ARHGAP10: variants seen among roughly 807,000 people sequenced by gnomAD.
ARHGAP10 encodes the protein rho GTPase-activating protein 10.
A neutral mutation model predicts 108.6 loss-of-function variants in ARHGAP10; 87 were observed. The ratio of observed to expected loss-of-function variants is 0.80; its 90% CI spans 0.67 to 0.96. The LOEUF (loss-of-function observed/expected upper bound fraction) is 0.96. Ranked by LOEUF, ARHGAP10 falls within the 40% of genes least tolerant of loss-of-function variation. ARHGAP10 has a pLI of 0.00. For synonymous variants in ARHGAP10, 347 were observed against 341.1 expected (o/e 1.02, Z -0.19); for missense variants, 939 against 954.5 (o/e 0.98, Z 0.21).
intron 5 of ARHGAP10, among the ~76,000 whole-genome samples, chr4:147,859,168 A>G (rs1247627837): frequency 6.6e-6 from 1 of 150,428 alleles, no homozygotes; most frequent in Non-Finnish European, 1.5e-5. Flanking sequence ...ACCTTCAATT[A>G]CTCTTCCAAA....
At chr4:147,830,712 G>GTT (rs1732924949) in intron 3 of ARHGAP10, among the ~76,000 whole-genome samples, 1 of 151,984 alleles carries the variant, frequency 6.6e-6, no homozygotes, top group Non-Finnish European at 1.5e-5. Flanking sequence ...TAGAGACGGG[G>GTT]TTTCACCTTG....
At chr4:147,831,225 G>A (rs1430570027) in intron 3 of ARHGAP10, among the ~76,000 whole-genome samples, 1 of 152,230 alleles carries the variant, frequency 6.6e-6, no homozygotes, top group Non-Finnish European at 1.5e-5. Context: ...ATTGTTTCGT[G>A]ATGACTGTGT....
At chr4:147,913,052 T>G in intron 12 of ARHGAP10, 22 bp from the exon 13 acceptor site, 1 of 1,594,596 alleles carries the variant, frequency 6.3e-7, no homozygotes, top group South Asian at 1.1e-5. Context: ...GTACACTTAA[T>G]GTTTTAAACT....
At chr4:147,891,117 T>G (rs1280454831) in intron 10 of ARHGAP10, among the ~76,000 whole-genome samples, 1 of 152,256 alleles carries the variant, frequency 6.6e-6, no homozygotes, top group Non-Finnish European at 1.5e-5. Context: ...CCAGAAATTC[T>G]GCTCCTAGCT....
chr4:148,053,391 G>A (rs1729226081), intron 20 of ARHGAP10, among the ~76,000 whole-genome samples: 1 of 152,196 alleles, frequency 6.6e-6, no homozygotes, highest in Non-Finnish European at 1.5e-5. Context: ...ATTAAGTCAT[G>A]TGGCTGTGGT....
intron 8 of ARHGAP10, among the ~76,000 whole-genome samples, chr4:147,878,483 G>T (rs1424290539): frequency 6.6e-6 from 1 of 152,144 alleles, no homozygotes; most frequent in African/African-American, 2.4e-5. Flanking sequence ...GCACTAGGTG[G>T]ATTTTTAGAC....
At chr4:147,971,074 C>G (rs1247056784) in intron 18 of ARHGAP10, among the ~76,000 whole-genome samples, 1 of 116,512 alleles carries the variant, frequency 8.6e-6, no homozygotes, top group Admixed American at 1.2e-4. Context: ...GCCTGGGTGA[C>G]AAGAGCGAGA....
At chr4:147,766,350 A>G (rs1473591477) in intron 1 of ARHGAP10, among the ~76,000 whole-genome samples, 2 of 151,982 alleles carry the variant, frequency 1.3e-5, no homozygotes, top group Non-Finnish European at 2.9e-5. Context: ...TATGCTTTAA[A>G]TCATCTCTAC....
chr4:147,763,298 A>T lies in ARHGAP10; in HGVS notation c.154+30843A>T, dbSNP rs540996583. 1.2e-4 allele frequency among the ~76,000 whole-genome samples: 18 copies of T among 151,478 alleles called. No homozygotes were observed. In the East Asian group the frequency reaches 3.5e-3, roughly 29 times the overall value. ...AATTAATGATAATGGTGGTGTTTGT[A>T]GTAGGAGTAGATAATAGTTTTTTTT... On this transcript the variant is annotated intron_variant, in intron 1 of 22. Coordinates refer to ENST00000336498, the MANE Select transcript of ARHGAP10 (RefSeq NM_024605.4).
chr4:148,000,488 G>T (rs1440339597), intron 18 of ARHGAP10, among the ~76,000 whole-genome samples: 2 of 152,186 alleles, frequency 1.3e-5, no homozygotes, highest in African/African-American at 2.4e-5. Context: ...CTAGATCCTT[G>T]AGGAATCGCC....
intron 1 of ARHGAP10, among the ~76,000 whole-genome samples, chr4:147,770,415 C>T (rs1268580387): frequency 6.6e-6 from 1 of 152,134 alleles, no homozygotes; most frequent in Non-Finnish European, 1.5e-5. Context: ...ATCCCAGCTA[C>T]TTGGGAGGCT....
intron 19 of ARHGAP10, among the ~76,000 whole-genome samples, chr4:148,037,921 A>G (rs1728454147): frequency 6.6e-6 from 1 of 152,118 alleles, no homozygotes. Flanking sequence ...TCCATCTCAT[A>G]TGCTGGCTGA....
chr4:147,910,209 G>A lies in ARHGAP10; in HGVS notation c.1162+432G>A, dbSNP rs1476176207. Among the ~76,000 whole-genome samples the A allele has an allele frequency of 2.0e-5, 3 of 152,000 alleles. No individual in the cohort carries two copies. The South Asian group carries it at 6.2e-4, about 32-fold the overall frequency. The stretch of plus-strand genomic sequence containing the variant: ...TTTTTAATTTTTTTGTTGTTGTTGA[G>A]ATGGGATCTTGCTATGTTGTCCAGG... On this transcript the variant is annotated intron_variant, in intron 12 of 22. Transcript: ENST00000336498.
At chr4:148,020,191 TAGA>T (rs1741512748) in intron 18 of ARHGAP10, among the ~76,000 whole-genome samples, 1 of 152,214 alleles carries the variant, frequency 6.6e-6, no homozygotes, top group African/African-American at 2.4e-5. Flanking sequence ...GGTGTGTATT[TAGA>T]ATCTTTGACA....
chr4:148,041,760 T>G (rs1728640819), intron 19 of ARHGAP10, among the ~76,000 whole-genome samples: 1 of 152,228 alleles, frequency 6.6e-6, no homozygotes, highest in South Asian at 2.1e-4. Context: ...CATGTCCTCT[T>G]GACCAATTGT....
chr4:147,889,895 C>T (rs78360374), intron 10 of ARHGAP10, among the ~76,000 whole-genome samples: 3,842 of 152,202 alleles, frequency 0.025, 82 homozygotes, highest in Non-Finnish European at 0.036. Flanking sequence ...ATGGCTTAAA[C>T]GGGGTTAAAG....
At chr4:147,902,671 G>C (rs1736297751) in intron 10 of ARHGAP10, among the ~76,000 whole-genome samples, 1 of 152,100 alleles carries the variant, frequency 6.6e-6, no homozygotes, top group Non-Finnish European at 1.5e-5. Context: ...AACCTGGGAG[G>C]TGGAGGTTGC....
chr4:148,072,289 A>C lies in ARHGAP10; in HGVS notation c.*208A>C, dbSNP rs1277632433. On this transcript the variant is annotated 3_prime_UTR_variant, in exon 23 of 23. Coordinates refer to ENST00000336498, the MANE Select transcript of ARHGAP10 (RefSeq NM_024605.4). ...AACTGTGATTGTGGATCAGGAGGGGAATGTCAGGATTCGCAAAATGGACTT... is the reference window on the plus strand; with the variant it reads ...AACTGTGATTGTGGATCAGGAGGGGCATGTCAGGATTCGCAAAATGGACTT... 6.6e-6 allele frequency: 3 copies of C among 451,762 alleles called. No individual in the cohort carries two copies. Among genetic ancestry groups the C allele is most frequent in the East Asian group, 6.9e-5 (2 of 28,790 alleles). 28.0% of individuals were successfully genotyped at this position (451,762 alleles called of 1,614,324 possible). A position where few individuals can be genotyped will look rare whatever the true frequency, so the allele number is the denominator to read the frequency against.
chr4:147,870,195 C>T lies in ARHGAP10; in HGVS notation c.702+3379C>T, dbSNP rs1431471352. Among the ~76,000 whole-genome samples, 4 of 152,036 alleles carry T rather than the reference C, an allele frequency of 2.6e-5. No homozygotes were observed. The East Asian group carries it at 5.8e-4, about 22-fold the overall frequency. On this transcript the variant is annotated intron_variant, in intron 7 of 22. Coordinates refer to ENST00000336498, the MANE Select transcript of ARHGAP10 (RefSeq NM_024605.4). The stretch of plus-strand genomic sequence containing the variant: ...GTCCTAGTTCATGCCATCCTTCTGC[C>T]TGTAGTCCCACCTGCCACCATGCCC...
Sources: allele counts gnomAD v4.1 joint callset (sites outside exome capture counted in the v4.1 genomes callset), GRCh38; gene constraint gnomAD v4.1.1; transcripts MANE v1.5; gene names NCBI Gene and HGNC (gene_info 2026-07-23, HGNC 2026-07-21).